The following ASIC2 variants were observed in gnomAD, a reference collection of about 807,000 sequenced individuals.
ASIC2 encodes acid sensing ion channel subunit 2.
A neutral mutation model predicts 57.3 loss-of-function variants in ASIC2; 25 were observed. That is an observed-to-expected ratio of 0.44 (90% confidence interval 0.32 to 0.61). The LOEUF is 0.61. Ranked by LOEUF, ASIC2 falls within the 20% of genes least tolerant of loss-of-function variation. The pLI is 0.06. For missense variants in ASIC2, 641 were observed against 738.1 expected (o/e 0.87, Z 1.52); for synonymous variants, 319 against 307.5 (o/e 1.04, Z -0.39).
chr17:33,724,808 G>T (rs889403240), intron 1 of ASIC2, among the ~76,000 whole-genome samples: 5 of 151,270 alleles, frequency 3.3e-5, no homozygotes, highest in Admixed American at 1.3e-4. Context: ...TAAATAGCAT[G>T]CATCAATACC....
At chr17:33,636,678 C>T (rs187024232) in intron 1 of ASIC2, among the ~76,000 whole-genome samples, 1 of 152,306 alleles carries the variant, frequency 6.6e-6, no homozygotes, top group African/African-American at 2.4e-5. Flanking sequence ...CACTCTACTC[C>T]TTTCTAGGAA....
chr17:33,974,060 C>T (rs1905298535), intron 1 of ASIC2, among the ~76,000 whole-genome samples: 1 of 152,180 alleles, frequency 6.6e-6, no homozygotes, highest in South Asian at 2.1e-4. Context: ...ACTCAGTCTT[C>T]TTCCCGGCTT....
intron 1 of ASIC2, among the ~76,000 whole-genome samples, chr17:33,693,300 G>C (rs924578154): frequency 1.3e-5 from 2 of 152,140 alleles, no homozygotes; most frequent in African/African-American, 4.8e-5. Flanking sequence ...CATTAAATTT[G>C]TAGATGAACT....
At chr17:33,245,794 G>A (rs781122614) in intron 1 of ASIC2, among the ~76,000 whole-genome samples, 1 of 152,168 alleles carries the variant, frequency 6.6e-6, no homozygotes, top group Non-Finnish European at 1.5e-5. Flanking sequence ...TGAGAGATGA[G>A]GCCATAGGCT....
In ASIC2 at chr17:33,808,913, C is replaced by G. The variant is rs190775442; in HGVS notation, c.555+347065G>C. Among the ~76,000 whole-genome samples, 94 of 152,332 alleles carry G rather than the reference C, an allele frequency of 6.2e-4. 1 individual carries two copies. Among genetic ancestry groups the G allele is most frequent in the Non-Finnish European group, 1.5e-4 (10 of 68,024 alleles). Reference sequence around the variant, plus strand: ...CCCCATCTGGAAATCCAGGACTGCTCAGATTGTGAATCAGTATTTTAAAAA... The same window carrying G: ...CCCCATCTGGAAATCCAGGACTGCTGAGATTGTGAATCAGTATTTTAAAAA... On this transcript the variant is annotated intron_variant, in intron 1 of 9. Coordinates refer to the ASIC2 transcript ENST00000359872.
intron 1 of ASIC2, among the ~76,000 whole-genome samples, chr17:33,743,027 C>A (rs1567703511): frequency 6.6e-6 from 1 of 152,218 alleles, no homozygotes; most frequent in Non-Finnish European, 1.5e-5. Flanking sequence ...CTTTCCAGCC[C>A]TTGCCTCCTC....
chr17:33,526,218 C>A (rs1597765969), intron 1 of ASIC2, among the ~76,000 whole-genome samples: 2 of 152,272 alleles, frequency 1.3e-5, no homozygotes, highest in South Asian at 2.1e-4. Context: ...GGAGCAACAT[C>A]CTGTCTTAGA....
chr17:33,513,153 G>A (rs1049476158), intron 1 of ASIC2, among the ~76,000 whole-genome samples: 1 of 152,232 alleles, frequency 6.6e-6, no homozygotes, highest in African/African-American at 2.4e-5. Context: ...GTAGGAAGAA[G>A]AGAAACTAAT....
chr17:33,740,584 A>T (rs1374982589), intron 1 of ASIC2, among the ~76,000 whole-genome samples: 1 of 152,198 alleles, frequency 6.6e-6, no homozygotes, highest in Non-Finnish European at 1.5e-5. Flanking sequence ...CTACAATTCA[A>T]GATGAGATTT....
intron 1 of ASIC2, among the ~76,000 whole-genome samples, chr17:34,127,069 C>T (rs990082496): frequency 3.3e-5 from 5 of 152,172 alleles, no homozygotes; most frequent in African/African-American, 4.8e-5. Context: ...TGTAGGCTCC[C>T]AGTAAGCGTT....
intron 1 of ASIC2, among the ~76,000 whole-genome samples, chr17:33,423,091 G>A (rs76411859): frequency 6.6e-6 from 1 of 152,230 alleles, no homozygotes; most frequent in East Asian, 1.9e-4. Flanking sequence ...CACTGTTGGG[G>A]GCTCGCACCA....
chr17:33,446,123 A>C (rs1320456867), intron 1 of ASIC2, among the ~76,000 whole-genome samples: 1 of 151,972 alleles, frequency 6.6e-6, no homozygotes, highest in Non-Finnish European at 1.5e-5. Context: ...GGACGAGGGA[A>C]CTCTTAAGAA....
In ASIC2 at chr17:33,437,252, T is replaced by A. The variant is rs183249325; in HGVS notation, c.556-325185A>T. On this transcript the variant is annotated intron_variant, in intron 1 of 9. Coordinates refer to the ASIC2 transcript ENST00000359872. ...ACCTTGAACTCTTAGGCTCAAGCAATCCTCCTGCCTCAGCCTCCCAAGGAG... is the reference window on the plus strand; with the variant it reads ...ACCTTGAACTCTTAGGCTCAAGCAAACCTCCTGCCTCAGCCTCCCAAGGAG... 1.8e-3 allele frequency among the ~76,000 whole-genome samples: 279 copies of A among 152,138 alleles called. 1 individual carries two copies. The highest frequency in any genetic ancestry group is 6.6e-3 in the African/African-American group (275 of 41,512).
chr17:34,095,651 AT>A (rs1910507576), intron 1 of ASIC2, among the ~76,000 whole-genome samples: 1 of 99,794 alleles, frequency 1.0e-5, no homozygotes, highest in Non-Finnish European at 2.0e-5. Context: ...ATATATATAT[AT>A]ATAATTTTAT....
chr17:33,847,443 C>T (rs1913639763), intron 1 of ASIC2, among the ~76,000 whole-genome samples: 1 of 152,098 alleles, frequency 6.6e-6, no homozygotes. Context: ...ACTCTATTTC[C>T]TGCCCTGTTT....
At chr17:33,278,265 A>G (rs1217827517) in intron 1 of ASIC2, among the ~76,000 whole-genome samples, 1 of 147,788 alleles carries the variant, frequency 6.8e-6, no homozygotes, top group Non-Finnish European at 1.5e-5. Flanking sequence ...TTTATTTGTT[A>G]ACTTACATAT....
intron 4 of ASIC2, among the ~76,000 whole-genome samples, chr17:33,026,563 T>C (rs2091860046): frequency 6.6e-6 from 1 of 152,222 alleles, no homozygotes; most frequent in Non-Finnish European, 1.5e-5. Context: ...GGTTGTTTTG[T>C]GTTTCTTCAT....
chr17:34,099,798 G>GAAAGAAAAGAAAAGA (rs1555596825), intron 1 of ASIC2, among the ~76,000 whole-genome samples: 1 of 99,134 alleles, frequency 1.0e-5, no homozygotes, highest in African/African-American at 4.4e-5. Flanking sequence ...AAGAAAGAAA[G>GAAAGAAAAGAAAAGA]AAAGAAAAGA....
At chr17:33,819,727 C>G (rs1483022300) in intron 1 of ASIC2, among the ~76,000 whole-genome samples, 1 of 152,216 alleles carries the variant, frequency 6.6e-6, no homozygotes, top group African/African-American at 2.4e-5. Context: ...GGCTTTGAAT[C>G]TGGGACCTGC....
Sources: gnomAD v4.1 joint callset for allele counts (sites outside exome capture counted in the v4.1 genomes callset) on GRCh38, gnomAD v4.1.1 for gene constraint, MANE v1.5 for transcripts, NCBI Gene and HGNC (gene_info 2026-07-23, HGNC 2026-07-21) for gene names.